RIPOR3: variants seen among roughly 807,000 people sequenced by gnomAD.
RIPOR3 encodes the protein RIPOR family member 3.
Under a neutral mutation model 114.3 loss-of-function variants are expected in RIPOR3, and 95 were observed. That is an observed-to-expected ratio of 0.83 (90% confidence interval 0.70 to 0.99). The LOEUF is 0.99. Ranked by LOEUF, RIPOR3 falls within the 50% of genes least tolerant of loss-of-function variation. The pLI is 0.00. For missense variants in RIPOR3, 1,252 were observed against 1,266.9 expected (o/e 0.99, Z 0.18); for synonymous variants, 575 against 543.8 (o/e 1.06, Z -0.80).
chr20:50,678,600 A>G (rs868306454), intron 1 of RIPOR3, among the ~76,000 whole-genome samples: 6 of 152,320 alleles, frequency 3.9e-5, no homozygotes, highest in Middle Eastern at 3.4e-3. Flanking sequence ...CGTGATCACA[A>G]AAGATCGGAA....
intron 1 of RIPOR3, among the ~76,000 whole-genome samples, chr20:50,673,439 C>T (rs935977033): frequency 2.0e-5 from 3 of 152,140 alleles, no homozygotes; most frequent in African/African-American, 7.2e-5. Flanking sequence ...CAAAGGTGGC[C>T]AGCCTGGCTT....
At chr20:50,679,145 T>TATATATATATAA (rs2086775409) in intron 1 of RIPOR3, among the ~76,000 whole-genome samples, 1 of 104,944 alleles carries the variant, frequency 9.5e-6, no homozygotes, top group African/African-American at 3.8e-5. Context: ...AATATATATA[T>TATATATATATAA]ATATACACAC....
chr20:50,627,915 C>A (rs1355371720), intron 2 of RIPOR3, among the ~76,000 whole-genome samples: 1 of 152,188 alleles, frequency 6.6e-6, no homozygotes, highest in African/African-American at 2.4e-5. Context: ...TCCTTCCAGA[C>A]CACACAAGGG....
At chr20:50,606,833 G>A (rs951309078) in intron 11 of RIPOR3, among the ~76,000 whole-genome samples, 7 of 151,862 alleles carry the variant, frequency 4.6e-5, no homozygotes, top group African/African-American at 1.7e-4. Flanking sequence ...CGGTTCAAGC[G>A]ATTCTCCTGC....
In RIPOR3 at chr20:50,592,480, CGCTTCCCCTGCA is replaced by C. The variant is rs748754268; in HGVS notation, c.2429_2440del (p.Leu810_Lys813del). 4 of 1,611,250 alleles carry C rather than the reference CGCTTCCCCTGCA, an allele frequency of 2.5e-6. No individual in the cohort carries two copies. The highest frequency in any genetic ancestry group is 1.1e-5 in the South Asian group (1 of 90,764). ...GGGCAGAGGCTGGAGCTGGCCCAGC[CGCTTCCCCTGCA>C]GCTTCCGGACCACCTTGGCCTGTCC... is the stretch of plus-strand genomic sequence containing the variant. On this transcript the variant is annotated inframe_deletion, in exon 19 of 22. Transcript: ENST00000327979.
chr20:50,672,770 C>T (rs959088889), intron 1 of RIPOR3, among the ~76,000 whole-genome samples: 1 of 152,228 alleles, frequency 6.6e-6, no homozygotes, highest in South Asian at 2.1e-4. Flanking sequence ...ATGCATCAGA[C>T]TTGACACCTT....
chr20:50,675,546 C>T (rs141075198), intron 1 of RIPOR3, among the ~76,000 whole-genome samples: 4 of 152,314 alleles, frequency 2.6e-5, no homozygotes, highest in Non-Finnish European at 5.9e-5. Context: ...ACTGTGTATG[C>T]CAAGTGCTAG....
chr20:50,602,608 G>T lies in RIPOR3; in HGVS notation c.1123C>A (p.Leu375Met), dbSNP rs772115858. The change falls in exon 13 of 22, where the codon CTG becomes ATG. Residue 375 changes from leucine to methionine, a missense_variant. Coordinates refer to ENST00000327979, the MANE Select transcript of RIPOR3 (RefSeq NM_001290268.2). This position sits in a 1 kb window ranked among gnomAD's most constrained non-coding sequence, Gnocchi z 4.3. Reference sequence around the variant, plus strand: ...ATGGAGGTGGCCCTTGGGCCACCCAGCAGCAAGGCCTGCTGTGTTGGCTGC... The same window carrying T: ...ATGGAGGTGGCCCTTGGGCCACCCATCAGCAAGGCCTGCTGTGTTGGCTGC... ...LQQPTQQALL[L>M]GGPRATSILS... is the part of the protein sequence containing the mutation. 1.3e-6 allele frequency: 2 copies of T among 1,509,734 alleles called. No homozygotes were observed. Among genetic ancestry groups the T allele is most frequent in the African/African-American group, 2.8e-5 (2 of 71,486 alleles). 93.5% of individuals were successfully genotyped at this position (1,509,734 alleles called of 1,614,324 possible). A position where few individuals can be genotyped will look rare whatever the true frequency, so the allele number is the denominator to read the frequency against.
rs2084887094 is a variant in RIPOR3, at chr20:50,633,521, C to A, written c.4-2665G>T. 2.0e-5 allele frequency among the ~76,000 whole-genome samples: 3 copies of A among 152,266 alleles called. No homozygotes were observed. The South Asian group carries it at 6.2e-4, about 32-fold the overall frequency. ...AACTGCTTGATCCCCCCAGCCAAGC[C>A]AGGCAAGAGAATAAGGACGGAGTAG... On this transcript the variant is annotated intron_variant, in intron 1 of 21. Transcript: ENST00000327979.
chr20:50,636,451 G>C (rs952007178), intron 1 of RIPOR3: 11 of 616,832 alleles, frequency 1.8e-5, no homozygotes, highest in Non-Finnish European at 2.0e-5. Context: ...ATCAGGAAGA[G>C]AGGAGGAATG....
intron 20 of RIPOR3, 91 bp downstream of exon 20, chr20:50,589,595 C>A: frequency 7.4e-7 from 1 of 1,356,560 alleles, no homozygotes. Context: ...CACGCCCAGC[C>A]CCAGTGGAAT....
chr20:50,605,208 C>T (rs145257788), intron 11 of RIPOR3, among the ~76,000 whole-genome samples: 4 of 152,232 alleles, frequency 2.6e-5, no homozygotes, highest in Admixed American at 6.5e-5. Context: ...GCTGGGATTA[C>T]AGGCCATGAG....
At chr20:50,656,041 T>C (rs2085799425) in intron 1 of RIPOR3, among the ~76,000 whole-genome samples, 1 of 152,066 alleles carries the variant, frequency 6.6e-6, no homozygotes, top group Non-Finnish European at 1.5e-5. Context: ...GGAGTCTCAC[T>C]GTTGCCCAGG....
At chr20:50,674,341 A>G (rs1600749354) in intron 1 of RIPOR3, among the ~76,000 whole-genome samples, 2 of 152,256 alleles carry the variant, frequency 1.3e-5, no homozygotes, top group East Asian at 3.9e-4. Flanking sequence ...CTGGCCCTCA[A>G]CAGAGATAAT....
chr20:50,623,329 C>A (rs118016199), intron 2 of RIPOR3, among the ~76,000 whole-genome samples: 2 of 149,118 alleles, frequency 1.3e-5, no homozygotes, highest in Admixed American at 6.7e-5. Context: ...CTCAGCTGAA[C>A]GGGGGAAAAT....
At position 50,592,366 on chromosome 20, in the gene RIPOR3, C is replaced by T; in HGVS notation, c.2555G>A (p.Arg852Lys). Residue 852 changes from arginine (R) to lysine (K), a missense_variant, in exon 19 of 22, where the codon AGG (arginine) becomes AAG (lysine). Transcript: ENST00000327979. ...AASARLAGAV[R>K]NRSFREKALL... ...TACCTTTTCCCGGAAGCTTCTGTTC[C>T]TGACTGCACCAGCCAGGCGAGCGCT... 6.3e-7 allele frequency: 1 copy of T among 1,594,926 alleles called. No homozygotes were observed. The highest frequency in any genetic ancestry group is 8.6e-7 in the Non-Finnish European group (1 of 1,167,520).
rs73615317 is a variant in RIPOR3 at position 50,678,407 on chromosome 20, C to G, written c.3+12719G>C. On this transcript the variant is annotated intron_variant, in intron 1 of 21. Transcript: ENST00000327979. The stretch of plus-strand genomic sequence containing the variant: ...AGGGAGGGCCTACCCCCACCTCCCA[C>G]CCCACCCCACAGGCCTGTTTGCATG... Among the ~76,000 whole-genome samples the G allele has an allele frequency of 9.5e-4, 144 of 152,266 alleles. 4 individuals carry two copies. The East Asian group carries it at 0.027, about 29-fold the overall frequency.
chr20:50,600,232 T>C (rs775262104), intron 13 of RIPOR3, among the ~76,000 whole-genome samples: 4 of 152,212 alleles, frequency 2.6e-5, no homozygotes, highest in African/African-American at 9.7e-5. Flanking sequence ...CATAAATGTG[T>C]GTGTGTGTAA....
chr20:50,637,194 G>C (rs1050760392), intron 1 of RIPOR3, among the ~76,000 whole-genome samples: 2 of 152,096 alleles, frequency 1.3e-5, no homozygotes, highest in Admixed American at 1.3e-4. Context: ...CTAAGCCCAG[G>C]ATGGTCACAC....
Sources: gnomAD v4.1 joint callset for allele counts (sites outside exome capture counted in the v4.1 genomes callset) on GRCh38, gnomAD v4.1.1 for gene constraint, Gnocchi (gnomAD v3.1) non-coding constraint, MANE v1.5 for transcripts, NCBI Gene and HGNC (gene_info 2026-07-23, HGNC 2026-07-21) for gene names.